The following ERLEC1 variants were observed in gnomAD, a reference collection of about 807,000 sequenced individuals.
ERLEC1 encodes the protein endoplasmic reticulum lectin 1.
A neutral mutation model predicts 68.0 loss-of-function variants in ERLEC1; 47 were observed. That is an observed-to-expected ratio of 0.69 (90% CI 0.55 to 0.88). The LOEUF (loss-of-function observed/expected upper bound fraction) is 0.88, where lower values mean the gene tolerates loss of function less well. ERLEC1 is among the 40% of genes least tolerant of loss of function. The pLI is 0.00. For synonymous variants in ERLEC1, 225 were observed against 203.2 expected, an observed-to-expected ratio of 1.11 and a Z score of -0.91; for missense variants, 567 against 583.8, an observed-to-expected ratio of 0.97 and a Z score of 0.30.
Position 53,818,404 on chromosome 2 carries a change from A to G in ERLEC1, c.*435A>G, listed in dbSNP as rs1438020613. The stretch of plus-strand genomic sequence containing the variant: ...GATAGGTGTAAATGAGAGACCATGT[A>G]AAATATGTAAATTCTAGTACCTGAA... On this transcript the variant is annotated 3_prime_UTR_variant, in exon 14 of 14. Coordinates refer to ENST00000185150, the MANE Select transcript of ERLEC1 (RefSeq NM_015701.5). 1 of 152,894 alleles carries G rather than the reference A, an allele frequency of 6.5e-6. No individual in the cohort carries two copies. The highest frequency in any genetic ancestry group is 1.5e-5 in the Non-Finnish European group (1 of 68,510). 9.5% of individuals were successfully genotyped at this position (152,894 alleles called of 1,614,324 possible). A position where few individuals can be genotyped will look rare whatever the true frequency, so the allele number is the denominator to read the frequency against.
chr2:53,807,426 G>A (rs1033692234), intron 8 of ERLEC1, among the ~76,000 whole-genome samples: 1 of 146,334 alleles, frequency 6.8e-6, no homozygotes, highest in Non-Finnish European at 1.5e-5. Context: ...TTTTCTTTGA[G>A]ACAGAGTCTC....
intron 9 of ERLEC1, 98 bp downstream of exon 9, chr2:53,808,558 G>A (rs1180397310): frequency 5.8e-6 from 7 of 1,214,030 alleles, no homozygotes; most frequent in Non-Finnish European, 3.5e-6. Flanking sequence ...TTTTTCTCTA[G>A]AGAAATGACA....
chr2:53,811,417 C>G (rs968524391), intron 10 of ERLEC1, among the ~76,000 whole-genome samples: 1 of 152,206 alleles, frequency 6.6e-6, no homozygotes, highest in South Asian at 2.1e-4. Context: ...AGTTTACACT[C>G]CCATAAACAG....
At chr2:53,805,075 A>G (rs914502231) in intron 8 of ERLEC1, among the ~76,000 whole-genome samples, 2 of 146,296 alleles carry the variant, frequency 1.4e-5, no homozygotes, top group Non-Finnish European at 3.0e-5. Context: ...GCTCACTCCA[A>G]CCTCCAACTC....
At chr2:53,797,854 C>A in intron 5 of ERLEC1, 59 bp downstream of exon 5, 4 of 1,385,746 alleles carry the variant, frequency 2.9e-6, no homozygotes, top group South Asian at 1.2e-5. Context: ...AATATATGTT[C>A]AAAATGGAAT....
intron 6 of ERLEC1, among the ~76,000 whole-genome samples, 196 bp from the exon 7 acceptor site, chr2:53,801,200 GA>G (rs1159872651): frequency 1.3e-5 from 2 of 152,082 alleles, no homozygotes; most frequent in Admixed American, 1.3e-4. Context: ...AACTAGCTCT[GA>G]AAATACATAT....
chr2:53,795,434 AG>A (rs1316211911), intron 2 of ERLEC1, among the ~76,000 whole-genome samples: 6 of 152,260 alleles, frequency 3.9e-5, no homozygotes, highest in South Asian at 4.1e-4. Flanking sequence ...CACTGTTTTA[AG>A]TCTCCTTGAG....
Position 53,809,265 on chromosome 2 carries a change from T to A in ERLEC1, c.1093T>A (p.Tyr365Asn). 1 of 1,570,382 alleles carries A rather than the reference T, an allele frequency of 6.4e-7. No homozygotes were observed. Among genetic ancestry groups the A allele is most frequent in the Non-Finnish European group, 8.6e-7 (1 of 1,165,500 alleles). ...CTGCTATGGCAAACATGTACATCAATACCATGAGGTATAGAATAGCATTTA... is the reference window on the plus strand; with the variant it reads ...CTGCTATGGCAAACATGTACATCAAAACCATGAGGTATAGAATAGCATTTA... ...EFCYGKHVHQ[Y>N]HEDKDSGKTS... Residue 365 changes from tyrosine to asparagine, a missense_variant, in exon 10 of 14, where the codon TAC becomes AAC. Tyr to Asn is a moderately radical substitution (Grantham distance 143, BLOSUM62 -2). Transcript: ENST00000185150.
At position 53,812,931 on chromosome 2, in the gene ERLEC1, A is replaced by T. The variant is rs1676668536; in HGVS notation, c.1102-18A>T. On this transcript the variant is annotated intron_variant, in intron 10 of 13. Transcript: ENST00000185150. ...TGATATCAAGCACGCATTATCACAA[A>T]TTTTTTTCCCATATTAGGACAAGGA... 5 of 1,597,630 alleles carry T rather than the reference A, an allele frequency of 3.1e-6. No individual in the cohort carries two copies. Among genetic ancestry groups the T allele is most frequent in the African/African-American group, 1.4e-5 (1 of 73,760 alleles).
At chr2:53,787,562 T>G in intron 1 of ERLEC1, 190 bp downstream of exon 1, 1 of 569,970 alleles carries the variant, frequency 1.8e-6, no homozygotes, top group African/African-American at 1.9e-5. Flanking sequence ...GCGTCCCCCT[T>G]GCTGAGCATT....
chr2:53,801,722 A>T lies in ERLEC1; in HGVS notation c.759A>T (p.Ala253=), dbSNP rs1676017055. 1 of 1,614,112 alleles carries T rather than the reference A, an allele frequency of 6.2e-7. No homozygotes were observed. Among genetic ancestry groups the T allele is most frequent in the Non-Finnish European group, 8.5e-7 (1 of 1,179,968 alleles). ...TGTTCCTACTGAACAGGTTCAGAGC[A>T]TCTCCTGTGAATGACATATTTTGTC... ...LCSHPKYRFR[A]SPVNDIFCQS... Residue 253 remains alanine (A), a synonymous_variant, in exon 8 of 14, where the codon GCA becomes GCT. Transcript: ENST00000185150.
chr2:53,789,911 TG>T (rs764651913), intron 1 of ERLEC1, among the ~76,000 whole-genome samples: 3 of 150,564 alleles, frequency 2.0e-5, no homozygotes, highest in Non-Finnish European at 4.4e-5. Context: ...TCCAGCTACT[TG>T]GGAGGCTGAG....
chr2:53,800,706 G>A (rs1189781857), intron 6 of ERLEC1, among the ~76,000 whole-genome samples: 2 of 152,090 alleles, frequency 1.3e-5, no homozygotes, highest in African/African-American at 4.8e-5. Flanking sequence ...GTAGAGAAAA[G>A]TGTAGGAGCT....
At chr2:53,798,977 G>A in intron 5 of ERLEC1, 70 bp from the exon 6 acceptor site, 1 of 1,373,048 alleles carries the variant, frequency 7.3e-7, no homozygotes. Context: ...TACAAAGGTG[G>A]TTGAAAACTT....
At chr2:53,809,136 A>T (rs1384345362) in intron 9 of ERLEC1, 78 bp from the exon 10 acceptor site, 1 of 965,376 alleles carries the variant, frequency 1.0e-6, no homozygotes, top group East Asian at 2.6e-5. Flanking sequence ...AATAACATGT[A>T]TTTCCATTAC....
At chr2:53,816,516 G>A (rs1363016131) in intron 13 of ERLEC1, among the ~76,000 whole-genome samples, 3 of 151,896 alleles carry the variant, frequency 2.0e-5, no homozygotes, top group African/African-American at 7.3e-5. Context: ...TAATCTGCCC[G>A]CCTCGGCCTC....
rs1476807933 is a variant in ERLEC1, at chr2:53,818,200, G to A, written c.*231G>A. On this transcript the variant is annotated 3_prime_UTR_variant, in exon 14 of 14. Coordinates refer to ENST00000185150, the MANE Select transcript of ERLEC1 (RefSeq NM_015701.5). ...TTTTGTTGTGTCTTATAAACTGACT[G>A]TTTTTCTTTGCTTGGATACTGTGAT... 9.0e-6 allele frequency: 3 copies of A among 333,270 alleles called. No individual in the cohort carries two copies. The highest frequency in any genetic ancestry group is 1.6e-5 in the Non-Finnish European group (3 of 181,908). The allele number at this position is 333,270 out of a possible 1,614,324, so 20.6% of individuals were successfully genotyped here. A position where few individuals can be genotyped will look rare whatever the true frequency, so the allele number is the denominator to read the frequency against.
chr2:53,796,195 T>G (rs1235721722), intron 3 of ERLEC1, among the ~76,000 whole-genome samples, 182 bp downstream of exon 3: 2 of 151,530 alleles, frequency 1.3e-5, no homozygotes, highest in African/African-American at 4.8e-5. Context: ...CGGGGTTTGG[T>G]GTACAGATTA....
At chr2:53,804,826 A>G (rs914260743) in intron 8 of ERLEC1, among the ~76,000 whole-genome samples, 3 of 151,898 alleles carry the variant, frequency 2.0e-5, no homozygotes, top group African/African-American at 7.3e-5. Flanking sequence ...CCCAGCCTAT[A>G]GTAACCATCC....
Sources: allele counts gnomAD v4.1 joint callset (sites outside exome capture counted in the v4.1 genomes callset), GRCh38; gene constraint gnomAD v4.1.1; transcripts MANE v1.5; gene names NCBI Gene and HGNC (gene_info 2026-07-23, HGNC 2026-07-21).